Variants in MYOM2 observed in about 807,000 individuals in gnomAD.
The protein encoded by MYOM2 is myomesin 2, also known as myomesin-2.
A neutral mutation model predicts 187.6 loss-of-function variants in MYOM2; 254 were observed. The observed-to-expected ratio is 1.35, with a 90% CI of 1.22 to 1.50. The LOEUF (loss-of-function observed/expected upper bound fraction) is 1.50. MYOM2 is among the 40% of genes most tolerant of loss of function. MYOM2 has a pLI of 0.00. For missense variants in MYOM2, 2,796 were observed against 1,924.0 expected (o/e 1.45, Z -8.48); for synonymous variants, 981 against 753.8 (o/e 1.30, Z -4.94).
chr8:2,054,312 G>T (rs573520507), intron 3 of MYOM2, among the ~76,000 whole-genome samples: 1 of 151,954 alleles, frequency 6.6e-6, no homozygotes, highest in African/African-American at 2.4e-5. Flanking sequence ...ATACGACCCC[G>T]ATGCTCTGAA....
intron 25 of MYOM2, among the ~76,000 whole-genome samples, chr8:2,114,854 T>C (rs980443171): frequency 2.6e-5 from 4 of 152,110 alleles, no homozygotes; most frequent in Non-Finnish European, 5.9e-5. Flanking sequence ...CAGCCTTCCC[T>C]GTAGCTGGGA....
chr8:2,100,186 T>TTCCC (rs1796658182), intron 19 of MYOM2, among the ~76,000 whole-genome samples: 21 of 145,376 alleles, frequency 1.4e-4, no homozygotes, highest in African/African-American at 4.1e-4. Context: ...CCTTCCTTCC[T>TTCCC]TCCCTCCCTG....
intron 25 of MYOM2, among the ~76,000 whole-genome samples, chr8:2,112,190 C>T (rs368595911): frequency 6.6e-6 from 1 of 152,104 alleles, no homozygotes; most frequent in Non-Finnish European, 1.5e-5. Context: ...GTTGCCCTTA[C>T]AGAGACTGTC....
intron 28 of MYOM2, among the ~76,000 whole-genome samples, chr8:2,120,082 T>C (rs1045246264): frequency 6.6e-6 from 1 of 152,088 alleles, no homozygotes; most frequent in Non-Finnish European, 1.5e-5. Flanking sequence ...TGGAAATCAT[T>C]GTTGAGTGCA....
chr8:2,080,066 C>T (rs1300081970), intron 13 of MYOM2, among the ~76,000 whole-genome samples: 2 of 152,116 alleles, frequency 1.3e-5, no homozygotes, highest in Admixed American at 6.5e-5. Context: ...GTTCTTGGTC[C>T]TTATGTATAT....
At position 2,045,123 on chromosome 8, in the gene MYOM2, T is replaced by C. The variant is rs1243790558; in HGVS notation, c.-58T>C. ...GAGTGTGGGTGGCTTGGTGAGCCGG[T>C]GGTCAGGAATTCTCTCTCCTCCTTG... is the stretch of plus-strand genomic sequence containing the variant. On this transcript the variant is annotated 5_prime_UTR_variant, in exon 1 of 37. Transcript: ENST00000262113. 1 of 152,390 alleles carries C rather than the reference T, an allele frequency of 6.6e-6. No homozygotes were observed. The highest frequency in any genetic ancestry group is 1.9e-4 in the East Asian group (1 of 5,190). The allele number at this position is 152,390 out of a possible 1,614,324, so 9.4% of individuals were successfully genotyped here. A position where few individuals can be genotyped will look rare whatever the true frequency, so the allele number is the denominator to read the frequency against.
intron 32 of MYOM2, among the ~76,000 whole-genome samples, chr8:2,138,409 C>T (rs962883562): frequency 6.6e-5 from 10 of 152,284 alleles, no homozygotes; most frequent in African/African-American, 2.2e-4. Flanking sequence ...TCGTGAGGCT[C>T]CCAGGTCAGC....
intron 32 of MYOM2, among the ~76,000 whole-genome samples, chr8:2,133,801 A>G (rs1341202635): frequency 6.6e-6 from 1 of 152,052 alleles, no homozygotes; most frequent in African/African-American, 2.4e-5. Context: ...AGATTTTTAC[A>G]CTTGTGTTAC....
Position 2,142,359 on chromosome 8 carries a change from C to G in MYOM2, c.4002-16C>G. 1 of 1,612,450 alleles carries G rather than the reference C, an allele frequency of 6.2e-7. No homozygotes were observed. Among genetic ancestry groups the G allele is most frequent in the Non-Finnish European group, 8.5e-7 (1 of 1,178,422 alleles). On this transcript the variant is annotated splice_polypyrimidine_tract_variant and intron_variant, in intron 34 of 36. Transcript: ENST00000262113. ...TCTCTTTTCATTCTCTCCTTTCTGT[C>G]CCCTTTAACTTTTAGAGCTGCTGCT...
At chr8:2,048,108 A>C (rs1818367221) in intron 1 of MYOM2, among the ~76,000 whole-genome samples, 1 of 152,244 alleles carries the variant, frequency 6.6e-6, no homozygotes, top group South Asian at 2.1e-4. Context: ...CAAGAAATAC[A>C]AACACATCTG....
At chr8:2,076,018 T>G in intron 10 of MYOM2, 123 bp from the exon 11 acceptor site, 555 of 858,126 alleles carry the variant, frequency 6.5e-4, no homozygotes, top group Non-Finnish European at 8.6e-4. Flanking sequence ...ACTTTGAACA[T>G]GAGAATTAAA....
At chr8:2,112,327 A>G (rs1421216470) in intron 25 of MYOM2, among the ~76,000 whole-genome samples, 2 of 145,226 alleles carry the variant, frequency 1.4e-5, no homozygotes, top group Non-Finnish European at 1.5e-5. Context: ...AAGAGGCTGA[A>G]GTAGTCAGGA....
rs576952943 is a variant in MYOM2, at chr8:2,056,437, T to G, written c.264-911T>G. ...AGGGTTTCCAGAGCATCTCAGAGCATGGAGGCAGGCCAGGCCTGGCCGTGT... is the reference window on the plus strand; with the variant it reads ...AGGGTTTCCAGAGCATCTCAGAGCAGGGAGGCAGGCCAGGCCTGGCCGTGT... On this transcript the variant is annotated intron_variant, in intron 3 of 36. Coordinates refer to ENST00000262113, the MANE Select transcript of MYOM2 (RefSeq NM_003970.4). 3.3e-5 allele frequency among the ~76,000 whole-genome samples: 5 copies of G among 152,130 alleles called. No homozygotes were observed. The South Asian group carries it at 1.0e-3, about 32-fold the overall frequency.
At chr8:2,131,584 A>C (rs1797869174) in intron 32 of MYOM2, among the ~76,000 whole-genome samples, 1 of 151,464 alleles carries the variant, frequency 6.6e-6, no homozygotes, top group Non-Finnish European at 1.5e-5. Flanking sequence ...AAGTAACATT[A>C]TTTCTATGTT....
chr8:2,113,877 C>G (rs1299465694), intron 25 of MYOM2, among the ~76,000 whole-genome samples: 1 of 152,192 alleles, frequency 6.6e-6, no homozygotes, highest in East Asian at 1.9e-4. Flanking sequence ...TTCTCACTGC[C>G]AGGCATGATG....
chr8:2,141,189 GTATT>G lies in MYOM2; in HGVS notation c.4001+15_4001+18del. 6.2e-7 allele frequency: 1 copy of G among 1,611,572 alleles called. No homozygotes were observed. On this transcript the variant is annotated intron_variant, in intron 34 of 36. Transcript: ENST00000262113. ...TTCCAGCAATTCAAGTAAGATTTGT[GTATT>G]TAGTTACTATGATATCCTGTGGGCA...
Position 2,057,379 on chromosome 8 carries a change from G to T in MYOM2, c.295G>T (p.Ala99Ser). 2.5e-6 allele frequency: 4 copies of T among 1,613,512 alleles called. No individual in the cohort carries two copies. The highest frequency in any genetic ancestry group is 3.4e-6 in the Non-Finnish European group (4 of 1,179,818). Residue 99 changes from alanine to serine, a missense_variant, in exon 4 of 37, where the codon GCC becomes TCC. Coordinates refer to ENST00000262113, the MANE Select transcript of MYOM2 (RefSeq NM_003970.4). ...YQSLVAAYGE[A>S]KRQRFLSELA... Reference sequence around the variant, plus strand: ...GTCCCTGGTGGCCGCCTATGGTGAGGCCAAGCGACAGCGCTTCCTCAGCGA... The same window carrying T: ...GTCCCTGGTGGCCGCCTATGGTGAGTCCAAGCGACAGCGCTTCCTCAGCGA...
At position 2,100,916 on chromosome 8, in the gene MYOM2, G is replaced by T; in HGVS notation, c.2481G>T (p.Thr827=). The T allele has an allele frequency of 1.2e-6, 2 of 1,614,144 alleles. No individual in the cohort carries two copies. The highest frequency in any genetic ancestry group is 2.2e-5 in the South Asian group (2 of 91,084). The change falls in exon 20 of 37, where the codon ACG becomes ACT. Residue 827 remains threonine, a synonymous_variant. Transcript: ENST00000262113. The stretch of plus-strand genomic sequence containing the variant: ...TGACGTTCTGTGAGGTCAGGGACAC[G>T]TCCTTGGTCATGCTGTGGAAGGCCC... ...YDLTFCEVRD[T]SLVMLWKAPV...
At position 2,093,994 on chromosome 8, in the gene MYOM2, G is replaced by C. The variant is rs367762577; in HGVS notation, c.2028G>C (p.Thr676=). Residue 676 remains threonine, a synonymous_variant, in exon 17 of 37, where the codon ACG becomes ACC. Coordinates refer to ENST00000262113, the MANE Select transcript of MYOM2 (RefSeq NM_003970.4). ...GGTTCGTGGTGCACGGCTTAACCAC[G>C]GGAGAGCAGTACATCTTCCGAGTCA... ...YNRFVVHGLT[T]GEQYIFRVKA... 3.1e-6 allele frequency: 5 copies of C among 1,614,168 alleles called. No homozygotes were observed. The highest frequency in any genetic ancestry group is 3.4e-6 in the Non-Finnish European group (4 of 1,180,044).
Sources: gnomAD v4.1 joint callset for allele counts (sites outside exome capture counted in the v4.1 genomes callset) on GRCh38, gnomAD v4.1.1 for gene constraint, MANE v1.5 for transcripts, NCBI Gene and HGNC (gene_info 2026-07-23, HGNC 2026-07-21) for gene names.